The following NEDD9 variants were observed in gnomAD, a reference collection of about 807,000 sequenced individuals.
NEDD9 encodes the protein neural precursor cell expressed, developmentally down-regulated 9, also known as enhancer of filamentation 1.
NEDD9 carries 26 observed loss-of-function variants against 76.6 expected under a neutral mutation model. That is an observed-to-expected ratio of 0.34 (90% CI 0.25 to 0.47). The LOEUF is 0.47. NEDD9 is among the 20% of genes least tolerant of loss of function. The pLI, the probability that NEDD9 is intolerant of heterozygous loss-of-function variation, is 1.00. For missense variants in NEDD9, 937 were observed against 1,058.5 expected (o/e 0.89, Z 1.59); for synonymous variants, 392 against 414.2 (o/e 0.95, Z 0.65).
chr6:11,294,529 T>A (rs1263861767), intron 3 of NEDD9, among the ~76,000 whole-genome samples: 1 of 152,178 alleles, frequency 6.6e-6, no homozygotes, highest in Non-Finnish European at 1.5e-5. Context: ...CTGCCATGAT[T>A]CTAAGTTTCC....
chr6:11,192,268 C>T lies in NEDD9; in HGVS notation c.663+77G>A. ...TTTATTCGAGTGAACTACTTACCCACCCTCCCAACCCTGCACCCCCCGACA... is the reference window on the plus strand; with the variant it reads ...TTTATTCGAGTGAACTACTTACCCATCCTCCCAACCCTGCACCCCCCGACA... On this transcript the variant is annotated intron_variant, in intron 4 of 6. Coordinates refer to ENST00000379446, the MANE Select transcript of NEDD9 (RefSeq NM_006403.4). 1.1e-5 allele frequency: 3 copies of T among 262,164 alleles called. 1 individual carries two copies. The highest frequency in any genetic ancestry group is 7.1e-6 in the Non-Finnish European group (1 of 140,196). The allele number at this position is 262,164 out of a possible 1,614,324, so 16.2% of individuals were successfully genotyped here.
At chr6:11,235,374 C>T (rs1309565015), upstream of NEDD9, among the ~76,000 whole-genome samples, 1 of 152,128 alleles carries the variant, frequency 6.6e-6, no homozygotes, top group African/African-American at 2.4e-5. The surrounding 1 kb of genome is among the most constrained non-coding windows in gnomAD (Gnocchi z 4.1). Flanking sequence ...TTTCATAAGG[C>T]AGCTTTCTCA....
At chr6:11,200,237 A>G in intron 2 of NEDD9, 1 of 454,934 alleles carries the variant, frequency 2.2e-6, no homozygotes, top group East Asian at 7.0e-5. Flanking sequence ...TAAGGACTGT[A>G]TCCAAAATAA....
chr6:11,319,625 A>T (rs111161975), intron 2 of NEDD9, among the ~76,000 whole-genome samples: 79,747 of 147,866 alleles, frequency 0.54, 21,530 homozygotes, highest in East Asian at 0.74. Flanking sequence ...ACTCACACAC[A>T]CACACACTAA....
At chr6:11,319,483 CAAAT>C (rs1761695845) in intron 2 of NEDD9, among the ~76,000 whole-genome samples, 1 of 150,772 alleles carries the variant, frequency 6.6e-6, no homozygotes, top group Non-Finnish European at 1.5e-5. Context: ...CACTAACAAG[CAAAT>C]AATCACACAC....
intron 1 of NEDD9, among the ~76,000 whole-genome samples, chr6:11,345,743 A>C (rs541742110): frequency 6.6e-6 from 1 of 152,340 alleles, no homozygotes; most frequent in African/African-American, 2.4e-5. Flanking sequence ...TAGAAAGTAC[A>C]TGACACATCA....
chr6:11,206,171 C>A (rs1758611101), intron 2 of NEDD9, among the ~76,000 whole-genome samples: 1 of 152,110 alleles, frequency 6.6e-6, no homozygotes, highest in African/African-American at 2.4e-5. Flanking sequence ...GTAATCCCAG[C>A]ACTTTGGGAG....
At chr6:11,236,189 G>A (rs910724898), upstream of NEDD9, among the ~76,000 whole-genome samples, 2 of 152,100 alleles carry the variant, frequency 1.3e-5, no homozygotes, top group African/African-American at 4.8e-5. The surrounding 1 kb of genome is among the most constrained non-coding windows in gnomAD (Gnocchi z 5.5). Flanking sequence ...AGCAGCCCTA[G>A]GATTCCCATA....
intron 1 of NEDD9, among the ~76,000 whole-genome samples, chr6:11,378,234 T>C (rs935586351): frequency 1.3e-5 from 2 of 152,050 alleles, no homozygotes; most frequent in African/African-American, 2.4e-5. Flanking sequence ...CAGAGTGAGA[T>C]TCTGTCTCAA....
intron 4 of NEDD9, 64 bp downstream of exon 4, chr6:11,192,281 G>A: frequency 9.8e-6 from 2 of 204,196 alleles, no homozygotes; most frequent in East Asian, 1.4e-4. Context: ...TCCCAACCCT[G>A]CACCCCCCGA....
At chr6:11,220,473 T>C (rs1209988969) in intron 1 of NEDD9, among the ~76,000 whole-genome samples, 1 of 152,164 alleles carries the variant, frequency 6.6e-6, no homozygotes, top group Non-Finnish European at 1.5e-5. Flanking sequence ...CTCCCGAAGG[T>C]ACTCTTTGAC....
intron 1 of NEDD9, among the ~76,000 whole-genome samples, chr6:11,356,023 G>A (rs1037836088): frequency 3.3e-5 from 5 of 152,144 alleles, no homozygotes; most frequent in Admixed American, 6.5e-5. Flanking sequence ...GCCCGGCCGA[G>A]AGCTCTAGAT....
chr6:11,289,273 T>C (rs1396425648), intron 3 of NEDD9, among the ~76,000 whole-genome samples: 1 of 152,242 alleles, frequency 6.6e-6, no homozygotes, highest in Non-Finnish European at 1.5e-5. Flanking sequence ...CTTTTATATC[T>C]GACCTGTAAA....
chr6:11,345,701 T>C (rs1762351898), intron 1 of NEDD9, among the ~76,000 whole-genome samples: 2 of 152,144 alleles, frequency 1.3e-5, no homozygotes, highest in African/African-American at 4.8e-5. Flanking sequence ...CTTTTCACCC[T>C]CATCAACACT....
At chr6:11,305,132 T>A (rs1160620353) in intron 3 of NEDD9, 1 of 1,289,188 alleles carries the variant, frequency 7.8e-7, no homozygotes, top group Non-Finnish European at 1.0e-6. Flanking sequence ...AGAGCTTTTT[T>A]ATTTGTGTGC....
intron 2 of NEDD9, among the ~76,000 whole-genome samples, chr6:11,326,763 C>G (rs1761937053): frequency 6.6e-6 from 1 of 152,230 alleles, no homozygotes; most frequent in African/African-American, 2.4e-5. Context: ...GCCCAGCTGC[C>G]CCTGCCCCGT....
intron 2 of NEDD9, among the ~76,000 whole-genome samples, chr6:11,331,286 AAGTTGAGAGAGATGT>A (rs1351067109): frequency 6.9e-6 from 1 of 145,514 alleles, no homozygotes; most frequent in Non-Finnish European, 1.5e-5. Context: ...AGAGAGACGC[AAGTTGAGAGAGATGT>A]AGGGCTGAGA....
chr6:11,337,053 A>G (rs1026141484), intron 1 of NEDD9, among the ~76,000 whole-genome samples: 3 of 152,162 alleles, frequency 2.0e-5, no homozygotes, highest in African/African-American at 4.8e-5. Flanking sequence ...CCCTGTCTCT[A>G]CTAAAAATAC....
In NEDD9 at chr6:11,232,442, A is replaced by G. The variant is rs115008498; in HGVS notation, c.12+62T>C. ...TGACAGTAAGGAACACGCATACACA[A>G]GCACACACCCGCAGGCACAGCTTTC... On this transcript the variant is annotated intron_variant, in intron 1 of 6. Transcript: ENST00000379446. The G allele has an allele frequency of 5.9e-4, 939 of 1,604,532 alleles. 7 individuals carry two copies. In the African/African-American group the frequency reaches 0.01, roughly 18 times the overall value.
Sources: allele counts gnomAD v4.1 joint callset (sites outside exome capture counted in the v4.1 genomes callset), GRCh38; gene constraint gnomAD v4.1.1; non-coding constraint Gnocchi (gnomAD v3.1); transcripts MANE v1.5; gene names NCBI Gene and HGNC (gene_info 2026-07-23, HGNC 2026-07-21).